Variants in AKAP7 observed in about 807,000 individuals in gnomAD.
AKAP7 encodes the protein A kinase (PRKA) anchor protein 7.
AKAP7 carries 39 observed loss-of-function variants against 39.5 expected under a neutral mutation model. That is an observed-to-expected ratio of 0.99 (90% CI 0.76 to 1.29). AKAP7 has a LOEUF of 1.29. Ranked by LOEUF, AKAP7 falls within the 50% of genes most tolerant of loss-of-function variation. AKAP7 has a pLI of 0.00. For synonymous variants in AKAP7, 140 were observed against 139.1 expected (o/e 1.01, Z -0.05); for missense variants, 414 against 407.7 (o/e 1.02, Z -0.13).
In AKAP7 at chr6:131,135,549, G is replaced by A; in HGVS notation, c.-215G>A. 5.1e-6 allele frequency: 1 copy of A among 194,914 alleles called. No homozygotes were observed. 12.1% of individuals were successfully genotyped at this position (194,914 alleles called of 1,614,324 possible). On this transcript the variant is annotated 5_prime_UTR_variant, in exon 1 of 8. Transcript: ENST00000431975. ...CCGCCGCTGCTGCCGCTGCCGCGGG[G>A]GCTGCGGCTTGGGAAGCTCCGCGCT...
rs11288422 is a variant in AKAP7 at position 131,163,836 on chromosome 6, GA to G, written c.292-1244del. Reference sequence around the variant, plus strand: ...TGTTTCTTAGGTGAGCTCAGATATGGAGGGTGGTTAGACACCAAGGGTGGGG... The same window carrying G: ...TGTTTCTTAGGTGAGCTCAGATATGGGGGTGGTTAGACACCAAGGGTGGGG... On this transcript the variant is annotated intron_variant, in intron 3 of 7. Transcript: ENST00000431975. Among the ~76,000 whole-genome samples, 1,365 of 152,198 alleles carry G rather than the reference GA, an allele frequency of 9.0e-3. 20 individuals are homozygous for G. Among genetic ancestry groups the G allele is most frequent in the African/African-American group, 0.03 (1,249 of 41,540 alleles).
intron 5 of AKAP7, among the ~76,000 whole-genome samples, chr6:131,190,569 G>A (rs906760565): frequency 4.6e-5 from 7 of 151,796 alleles, no homozygotes; most frequent in Admixed American, 3.9e-4. Context: ...TTTAACTTGG[G>A]AGGTGGTGGA....
At chr6:131,151,117 A>G (rs1801874719) in intron 2 of AKAP7, among the ~76,000 whole-genome samples, 2 of 151,932 alleles carry the variant, frequency 1.3e-5, no homozygotes, top group Admixed American at 1.3e-4. Context: ...ATCTCAGCCC[A>G]CTGCAACCTC....
chr6:131,171,681 G>T (rs919142641), intron 5 of AKAP7, among the ~76,000 whole-genome samples: 1 of 152,210 alleles, frequency 6.6e-6, no homozygotes, highest in African/African-American at 2.4e-5. Context: ...TGGGATGAGT[G>T]CAGAAATTTG....
chr6:131,143,965 TA>T (rs1296863989), intron 1 of AKAP7, among the ~76,000 whole-genome samples: 2 of 138,200 alleles, frequency 1.4e-5, no homozygotes, highest in African/African-American at 5.4e-5. Flanking sequence ...TGATGACTCT[TA>T]ACGAGCATGC....
At chr6:131,264,012 ATAATT>A (rs1461134274) in intron 7 of AKAP7, among the ~76,000 whole-genome samples, 2 of 152,122 alleles carry the variant, frequency 1.3e-5, no homozygotes, top group East Asian at 3.8e-4. Context: ...ACTTGCTATT[ATAATT>A]TATGTTTCCT....
At chr6:131,159,805 A>G (rs1802780460) in intron 2 of AKAP7, among the ~76,000 whole-genome samples, 1 of 152,250 alleles carries the variant, frequency 6.6e-6, no homozygotes, top group Non-Finnish European at 1.5e-5. Context: ...AAAATAAAGC[A>G]GGAACACAAC....
At chr6:131,273,841 CGAT>C (rs1309809471) in intron 7 of AKAP7, among the ~76,000 whole-genome samples, 3 of 151,762 alleles carry the variant, frequency 2.0e-5, no homozygotes, top group Non-Finnish European at 2.9e-5. Flanking sequence ...GGTCAGCTGA[CGAT>C]GAATTCATTT....
intron 1 of AKAP7, 60 bp downstream of exon 1, chr6:131,135,842 C>G (rs9402321): frequency 8.2e-7 from 1 of 1,224,942 alleles, no homozygotes; most frequent in African/African-American, 1.6e-5. Flanking sequence ...GGGGCCTGGG[C>G]CTGCTCTGCG....
chr6:131,219,478 A>G (rs902496018), intron 6 of AKAP7, among the ~76,000 whole-genome samples, 183 bp from the exon 7 acceptor site: 2 of 152,078 alleles, frequency 1.3e-5, no homozygotes, highest in African/African-American at 4.8e-5. Flanking sequence ...AACTCCTTCT[A>G]GGTAGGGAGA....
intron 2 of AKAP7, among the ~76,000 whole-genome samples, chr6:131,155,019 ATT>A (rs61452028): frequency 2.0e-4 from 30 of 149,266 alleles, no homozygotes; most frequent in Admixed American, 2.7e-4. Flanking sequence ...CAAAGATAGT[ATT>A]TTTTTTTTTT....
chr6:131,206,863 A>T (rs1251323641), intron 6 of AKAP7, among the ~76,000 whole-genome samples: 1 of 151,938 alleles, frequency 6.6e-6, no homozygotes, highest in Admixed American at 6.6e-5. Flanking sequence ...TTTGACTGCC[A>T]CTCACTTTTG....
chr6:131,199,878 T>C (rs1807363335), intron 6 of AKAP7: 1 of 327,238 alleles, frequency 3.1e-6, no homozygotes, highest in Non-Finnish European at 5.6e-6. Flanking sequence ...AGAGTTCACT[T>C]TTGCTGCTAT....
At chr6:131,263,687 G>A (rs1813547511) in intron 7 of AKAP7, among the ~76,000 whole-genome samples, 1 of 152,144 alleles carries the variant, frequency 6.6e-6, no homozygotes, top group African/African-American at 2.4e-5. Flanking sequence ...CAGCCCTACT[G>A]GAGCCAGAGA....
rs201666244 is a variant in AKAP7 at position 131,151,043 on chromosome 6, A to AT, written c.151+5637dup. 6.3e-3 allele frequency among the ~76,000 whole-genome samples: 940 copies of AT among 149,974 alleles called. 30 individuals carry two copies. The highest frequency in any genetic ancestry group is 0.048 in the Admixed American group (718 of 15,012). Reference sequence around the variant, plus strand: ...CATTTTCTCACATAATCCTCTTAGAATTTTTTTTTTGTTTTTTGAGATGTA... The same window carrying AT: ...CATTTTCTCACATAATCCTCTTAGAATTTTTTTTTTTGTTTTTTGAGATGTA... On this transcript the variant is annotated intron_variant, in intron 2 of 7. Transcript: ENST00000431975.
intron 7 of AKAP7, among the ~76,000 whole-genome samples, chr6:131,237,543 T>C (rs936121994): frequency 6.6e-5 from 10 of 152,142 alleles, no homozygotes; most frequent in Non-Finnish European, 1.2e-4. Flanking sequence ...TCCTGGACTT[T>C]TTTTGGTTGG....
intron 7 of AKAP7, among the ~76,000 whole-genome samples, chr6:131,278,785 C>G (rs1185624269): frequency 6.6e-6 from 1 of 152,186 alleles, no homozygotes; most frequent in Non-Finnish European, 1.5e-5. Context: ...CAGGTCCTTC[C>G]TCCAGCATTG....
chr6:131,172,924 C>T (rs892040801), intron 5 of AKAP7, among the ~76,000 whole-genome samples: 6 of 151,922 alleles, frequency 3.9e-5, no homozygotes, highest in South Asian at 4.2e-4. Flanking sequence ...TGGCTGGGTG[C>T]GGCGGCTCAT....
intron 2 of AKAP7, among the ~76,000 whole-genome samples, chr6:131,151,900 GAGTA>G (rs1159775153): frequency 5.9e-5 from 9 of 152,184 alleles, no homozygotes; most frequent in African/African-American, 2.2e-4. Context: ...TTTTAGCTAA[GAGTA>G]AGTGTGAAAA....
Sources: gnomAD v4.1 joint callset for allele counts (sites outside exome capture counted in the v4.1 genomes callset) on GRCh38, gnomAD v4.1.1 for gene constraint, MANE v1.5 for transcripts, NCBI Gene and HGNC (gene_info 2026-07-23, HGNC 2026-07-21) for gene names.